TXNL1: variants seen among roughly 807,000 people sequenced by gnomAD.
The protein encoded by TXNL1 is thioredoxin like 1.
TXNL1 carries 14 observed loss-of-function variants against 35.5 expected under a neutral mutation model. The observed-to-expected ratio is 0.39, with a 90% CI of 0.26 to 0.62. The LOEUF (loss-of-function observed/expected upper bound fraction) is 0.62, where lower values mean the gene tolerates loss of function less well. TXNL1 is among the 20% of genes least tolerant of loss of function. TXNL1 has a pLI of 0.47. For synonymous variants in TXNL1, 110 were observed against 115.5 expected (o/e 0.95, Z 0.31); for missense variants, 263 against 349.7 (o/e 0.75, Z 1.98).
chr18:56,620,062 G>A (rs1266393705), intron 3 of TXNL1, among the ~76,000 whole-genome samples: 5 of 152,002 alleles, frequency 3.3e-5, no homozygotes, highest in South Asian at 4.2e-4. Flanking sequence ...TCCACCTCCC[G>A]GGTTCAAGTG....
Position 56,606,238 on chromosome 18 carries a change from G to A in TXNL1, c.841-3182C>T, listed in dbSNP as rs547776344. Reference sequence around the variant, plus strand: ...AAATATACAAAAAAATTAGCCAGGCGTAGCGGCGGGCACCTGTAGTCCCAG... The same window carrying A: ...AAATATACAAAAAAATTAGCCAGGCATAGCGGCGGGCACCTGTAGTCCCAG... On this transcript the variant is annotated intron_variant, in intron 7 of 7. Transcript: ENST00000217515. Among the ~76,000 whole-genome samples, 4 of 152,184 alleles carry A rather than the reference G, an allele frequency of 2.6e-5. No individual in the cohort carries two copies. In the South Asian group the frequency reaches 6.2e-4, roughly 24 times the overall value.
At position 56,611,078 on chromosome 18, in the gene TXNL1, T is replaced by TTTTTC; in HGVS notation, c.754_755insGAAAA (p.Gln252ArgfsTer26). ...AATTCTTGTTGTTTCCTCTTCACCT[T>TTTTTC]GATTCGACTGAACAAATATCTACCA... On this transcript the variant is annotated frameshift_variant, in exon 7 of 8. Coordinates refer to ENST00000217515, the MANE Select transcript of TXNL1 (RefSeq NM_004786.3). LOFTEE classifies it high-confidence loss of function. 6.2e-7 allele frequency: 1 copy of TTTTTC among 1,603,780 alleles called. No homozygotes were observed. The highest frequency in any genetic ancestry group is 8.5e-7 in the Non-Finnish European group (1 of 1,176,840).
rs1038085853 is a variant in TXNL1 at position 56,598,011 on chromosome 18, C to A, written c.*5016G>T. ...ACATGGCAAGAGGAGCTTCACCTTA[C>A]CGTCTCTACTTGCTCTTTCAGCTTC... is the stretch of plus-strand genomic sequence containing the variant. On this transcript the variant is annotated 3_prime_UTR_variant, in exon 8 of 8. Transcript: ENST00000217515. 1 of 152,226 alleles carries A rather than the reference C, an allele frequency of 6.6e-6. No individual in the cohort carries two copies. Among genetic ancestry groups the A allele is most frequent in the African/African-American group, 2.4e-5 (1 of 41,454 alleles). The allele number at this position is 152,226 out of a possible 1,614,324, so 9.4% of individuals were successfully genotyped here.
intron 1 of TXNL1, among the ~76,000 whole-genome samples, chr18:56,633,976 T>A: frequency 1.3e-5 from 1 of 77,712 alleles, no homozygotes; most frequent in Non-Finnish European, 2.3e-5. Flanking sequence ...AGAGCAAGAC[T>A]CCATCTCAAA....
At chr18:56,637,811 G>A (rs1568112214) in intron 1 of TXNL1, among the ~76,000 whole-genome samples, 1 of 152,182 alleles carries the variant, frequency 6.6e-6, no homozygotes, top group Non-Finnish European at 1.5e-5. Flanking sequence ...CTAACCCAAC[G>A]TTAACTTAGT....
chr18:56,630,351 C>T (rs2024351637), intron 1 of TXNL1, among the ~76,000 whole-genome samples: 1 of 152,140 alleles, frequency 6.6e-6, no homozygotes, highest in Admixed American at 6.6e-5. Context: ...ACAAAGCAGA[C>T]TGAAGTGGAG....
chr18:56,617,227 A>T (rs973925052), intron 4 of TXNL1, among the ~76,000 whole-genome samples: 1 of 152,178 alleles, frequency 6.6e-6, no homozygotes, highest in Non-Finnish European at 1.5e-5. Context: ...CTTTAGTTAC[A>T]CCAATACTTT....
chr18:56,634,159 T>A (rs2024420814), intron 1 of TXNL1, among the ~76,000 whole-genome samples: 2 of 152,114 alleles, frequency 1.3e-5, no homozygotes, highest in South Asian at 4.1e-4. Flanking sequence ...TTGGAGACAC[T>A]GTTTAAAAAT....
intron 3 of TXNL1, among the ~76,000 whole-genome samples, chr18:56,621,739 C>T (rs543863684): frequency 5.8e-4 from 88 of 152,126 alleles, no homozygotes; most frequent in African/African-American, 1.5e-3. Context: ...GTGGCTCACA[C>T]GTGTAATCCT....
At chr18:56,604,758 T>C (rs534772694) in intron 7 of TXNL1, among the ~76,000 whole-genome samples, 2 of 152,146 alleles carry the variant, frequency 1.3e-5, no homozygotes, top group South Asian at 4.1e-4. Flanking sequence ...AAAAGGACTT[T>C]GGGGCTAACA....
chr18:56,612,015 ATCTTTTTTTT>A (rs1020039549), intron 6 of TXNL1, among the ~76,000 whole-genome samples: 16 of 105,462 alleles, frequency 1.5e-4, no homozygotes, highest in African/African-American at 6.9e-4. Flanking sequence ...CGCCCGGCTA[ATCTTTTTTTT>A]TTTTTTTTTT....
rs573324837 is a variant in TXNL1, at chr18:56,614,317, A to C, written c.735+107T>G. ...TAAACATTTTACTCATTTCAAACTG[A>C]GTGAATAAATACCACTTTAAAGAAT... On this transcript the variant is annotated intron_variant, in intron 6 of 7. Transcript: ENST00000217515. The C allele has an allele frequency of 4.1e-6, 4 of 971,020 alleles. No homozygotes were observed. The African/African-American group carries it at 6.6e-5, about 16-fold the overall frequency. 60.2% of individuals were successfully genotyped at this position (971,020 alleles called of 1,614,324 possible). A position where few individuals can be genotyped will look rare whatever the true frequency, so the allele number is the denominator to read the frequency against.
intron 1 of TXNL1, among the ~76,000 whole-genome samples, chr18:56,627,369 G>A (rs894497946): frequency 6.6e-6 from 1 of 152,088 alleles, no homozygotes; most frequent in Non-Finnish European, 1.5e-5. Flanking sequence ...GATCTCAGCA[G>A]GTTTTCTTGT....
intron 3 of TXNL1, among the ~76,000 whole-genome samples, chr18:56,620,468 G>A (rs543195890): frequency 9.9e-5 from 15 of 152,134 alleles, no homozygotes; most frequent in Non-Finnish European, 1.8e-4. Context: ...TAGATTACCT[G>A]ATCTTTATAC....
intron 7 of TXNL1, among the ~76,000 whole-genome samples, chr18:56,606,173 G>A (rs536220146): frequency 2.6e-5 from 4 of 152,226 alleles, no homozygotes; most frequent in South Asian, 2.1e-4. Context: ...TCAGGAGATC[G>A]AGACCATCCT....
rs1259279133 is a variant in TXNL1, at chr18:56,638,351, G to A, written c.90C>T (p.Thr30=). ...CTCGAGCCTGGCCTCACCCTCTCATGGTGAACTTGACCACGGCGAGTCTGG... is the reference window on the plus strand; with the variant it reads ...CTCGAGCCTGGCCTCACCCTCTCATAGTGAACTTGACCACGGCGAGTCTGG... ...AGSRLAVVKF[T]MRGCGPCLRI... Residue 30 remains threonine (T), a synonymous_variant, in exon 1 of 8, where the codon ACC becomes ACT. Coordinates refer to ENST00000217515, the MANE Select transcript of TXNL1 (RefSeq NM_004786.3). 29 of 1,613,148 alleles carry A rather than the reference G, an allele frequency of 1.8e-5. No homozygotes were observed. The highest frequency in any genetic ancestry group is 2.2e-5 in the Non-Finnish European group (26 of 1,179,518).
chr18:56,625,127 T>C (rs886501391), intron 2 of TXNL1, among the ~76,000 whole-genome samples: 1 of 152,144 alleles, frequency 6.6e-6, no homozygotes, highest in Non-Finnish European at 1.5e-5. Flanking sequence ...TGGCACCTTA[T>C]ATATTCAAAT....
In TXNL1 at chr18:56,598,835, T is replaced by C. The variant is rs973694752; in HGVS notation, c.*4192A>G. 8 of 152,206 alleles carry C rather than the reference T, an allele frequency of 5.3e-5. No homozygotes were observed. The highest frequency in any genetic ancestry group is 3.9e-4 in the Admixed American group (6 of 15,284). 9.4% of individuals were successfully genotyped at this position (152,206 alleles called of 1,614,324 possible). On this transcript the variant is annotated 3_prime_UTR_variant, in exon 8 of 8. Transcript: ENST00000217515. ...AAGAAGAAATTTGAGCTCTGAAGGATGTTACTTGCTCAAGATGACACAGCT... is the reference window on the plus strand; with the variant it reads ...AAGAAGAAATTTGAGCTCTGAAGGACGTTACTTGCTCAAGATGACACAGCT...
At chr18:56,632,032 C>G (rs1207625158) in intron 1 of TXNL1, among the ~76,000 whole-genome samples, 1 of 152,020 alleles carries the variant, frequency 6.6e-6, no homozygotes, top group East Asian at 1.9e-4. Flanking sequence ...TGCCCAACAC[C>G]AAACATCCTA....
Sources: gnomAD v4.1 joint callset for allele counts (sites outside exome capture counted in the v4.1 genomes callset) on GRCh38, gnomAD v4.1.1 for gene constraint, MANE v1.5 for transcripts, NCBI Gene and HGNC (gene_info 2026-07-23, HGNC 2026-07-21) for gene names.